Variants in STRBP observed in about 807,000 individuals in gnomAD.
The protein encoded by STRBP is spermatid perinuclear RNA-binding protein.
A neutral mutation model predicts 80.1 loss-of-function variants in STRBP; 13 were observed. The ratio of observed to expected loss-of-function variants is 0.16; its 90% CI spans 0.11 to 0.26. STRBP has a LOEUF of 0.26. Ranked by LOEUF, STRBP falls within the 10% of genes least tolerant of loss-of-function variation. STRBP has a pLI of 1.00. For missense variants in STRBP, 485 were observed against 815.2 expected (o/e 0.59, Z 4.93); for synonymous variants, 284 against 291.2 (o/e 0.98, Z 0.25).
Position 123,124,665 on chromosome 9 carries a change from C to A in STRBP, c.*932G>T. On this transcript the variant is annotated 3_prime_UTR_variant, in exon 19 of 19. Coordinates refer to ENST00000348403, the MANE Select transcript of STRBP (RefSeq NM_018387.5). Reference sequence around the variant, plus strand: ...TGCATGAAAAAAGCCAGGGAGTGAACACAATATCTTACAGAGTGAAGAAGG... The same window carrying A: ...TGCATGAAAAAAGCCAGGGAGTGAAAACAATATCTTACAGAGTGAAGAAGG... 1 of 985,360 alleles carries A rather than the reference C, an allele frequency of 1.0e-6. No individual in the cohort carries two copies. The highest frequency in any genetic ancestry group is 1.2e-6 in the Non-Finnish European group (1 of 829,920). The allele number at this position is 985,360 out of a possible 1,614,324, so 61.0% of individuals were successfully genotyped here.
chr9:123,129,872 GTC>G (rs751664040), intron 17 of STRBP, among the ~76,000 whole-genome samples: 1 of 152,170 alleles, frequency 6.6e-6, no homozygotes, highest in Non-Finnish European at 1.5e-5. Flanking sequence ...ATATAACTCA[GTC>G]TGAGTGCTCA....
In STRBP at chr9:123,266,584, T is replaced by C. The variant is rs530960633; in HGVS notation, c.-302+1852A>G. 3.3e-5 allele frequency among the ~76,000 whole-genome samples: 5 copies of C among 152,058 alleles called. No homozygotes were observed. In the South Asian group the frequency reaches 1.0e-3, roughly 32 times the overall value. On this transcript the variant is annotated intron_variant, in intron 1 of 18. Transcript: ENST00000348403. Reference sequence around the variant, plus strand: ...CCTTTCATCTCTCAAACTCAAAGTGTTCCAATCTCTCCCCATACTTCCACT... The same window carrying C: ...CCTTTCATCTCTCAAACTCAAAGTGCTCCAATCTCTCCCCATACTTCCACT...
At chr9:123,171,505 G>C (rs147849819) in intron 5 of STRBP, among the ~76,000 whole-genome samples, 395 of 152,246 alleles carry the variant, frequency 2.6e-3, no homozygotes, top group African/African-American at 8.4e-3. Context: ...GGTGCTCGGG[G>C]AGAAAGGTTT....
chr9:123,234,864 G>A (rs2040504792), intron 2 of STRBP, among the ~76,000 whole-genome samples: 1 of 152,034 alleles, frequency 6.6e-6, no homozygotes, highest in South Asian at 2.1e-4. Flanking sequence ...GGAGGCCAAG[G>A]CAGGAGACTC....
At chr9:123,117,600 G>A (rs1313106642), downstream of STRBP, among the ~76,000 whole-genome samples, 1 of 152,168 alleles carries the variant, frequency 6.6e-6, no homozygotes, top group Non-Finnish European at 1.5e-5. Context: ...AATGACCACT[G>A]ACCTCTGCAA....
chr9:123,203,860 T>G (rs2039417454), intron 2 of STRBP, among the ~76,000 whole-genome samples: 1 of 152,070 alleles, frequency 6.6e-6, no homozygotes, highest in African/African-American at 2.4e-5. Flanking sequence ...TAGTCCTAGC[T>G]ACTCGGGAGT....
chr9:123,132,863 G>A lies in STRBP; in HGVS notation c.1879C>T (p.Pro627Ser), dbSNP rs2036197022. 6.2e-7 allele frequency: 1 copy of A among 1,614,066 alleles called. No homozygotes were observed. The highest frequency in any genetic ancestry group is 8.5e-7 in the Non-Finnish European group (1 of 1,179,966). Residue 627 changes from proline to serine, a missense_variant, in exon 17 of 19, where the codon CCT becomes TCT. Around this residue, in one of 3 missense-constraint regions of STRBP, gnomAD observed 85 missense variants for 120.1 expected, o/e 0.71. Transcript: ENST00000348403. The stretch of plus-strand genomic sequence containing the variant: ...ACTATACCTGGAGCTATGTAGCCAG[G>A]AGCAGCTGTCGCCCCAACAAAAGCT... ...RGAFVGATAAPGYIAPGYGTP... is the reference protein window; with the variant it reads ...RGAFVGATAASGYIAPGYGTP...
chr9:123,254,267 C>A (rs1470772585), intron 1 of STRBP, among the ~76,000 whole-genome samples: 1 of 152,004 alleles, frequency 6.6e-6, no homozygotes, highest in Non-Finnish European at 1.5e-5. Context: ...CGAGACCAGT[C>A]TGGCTAACAC....
At chr9:123,170,635 A>G (rs1300313841) in intron 5 of STRBP, among the ~76,000 whole-genome samples, 2 of 152,184 alleles carry the variant, frequency 1.3e-5, no homozygotes, top group Non-Finnish European at 2.9e-5. Context: ...AGATCTTCCA[A>G]TGGGACCTAC....
chr9:123,213,047 G>C (rs183987114), intron 2 of STRBP, among the ~76,000 whole-genome samples: 2 of 152,286 alleles, frequency 1.3e-5, no homozygotes, highest in African/African-American at 2.4e-5. Flanking sequence ...CAGCCATAAA[G>C]GCTTTTCCCT....
At chr9:123,254,257 C>T (rs1164438459) in intron 1 of STRBP, among the ~76,000 whole-genome samples, 1 of 151,886 alleles carries the variant, frequency 6.6e-6, no homozygotes, top group Non-Finnish European at 1.5e-5. Context: ...GTCAGGAGAT[C>T]GAGACCAGTC....
At chr9:123,138,404 T>G (rs995600315) in intron 14 of STRBP, among the ~76,000 whole-genome samples, 1 of 152,204 alleles carries the variant, frequency 6.6e-6, no homozygotes, top group African/African-American at 2.4e-5. Flanking sequence ...CAAGTGTGGC[T>G]TTCTCAGGCT....
chr9:123,180,415 GT>G (rs1044814109), intron 3 of STRBP, among the ~76,000 whole-genome samples: 10 of 152,244 alleles, frequency 6.6e-5, no homozygotes, highest in African/African-American at 2.4e-4. Flanking sequence ...AAATAGACTA[GT>G]GGGAGACATT....
At position 123,126,527 on chromosome 9, in the gene STRBP, G is replaced by A. The variant is rs1235922176; in HGVS notation, c.1943-854C>T. ...TGGAAGAGAGGAGCTTTCTGATGTG[G>A]GGGCTCAGAGGGCACAGGGTGAAAG... On this transcript the variant is annotated intron_variant, in intron 18 of 18. Transcript: ENST00000348403. The surrounding 1 kb of genome is among the most constrained non-coding windows in gnomAD (Gnocchi z 4.4). Among the ~76,000 whole-genome samples, 2 of 152,110 alleles carry A rather than the reference G, an allele frequency of 1.3e-5. No individual in the cohort carries two copies. Among genetic ancestry groups the A allele is most frequent in the African/African-American group, 4.8e-5 (2 of 41,420 alleles).
intron 1 of STRBP, among the ~76,000 whole-genome samples, 191 bp from the exon 2 acceptor site, chr9:123,237,157 A>C (rs1363599777): frequency 6.6e-6 from 1 of 152,172 alleles, no homozygotes; most frequent in Non-Finnish European, 1.5e-5. Flanking sequence ...ACAAAAAAGC[A>C]AGAGTTGAAT....
intron 16 of STRBP, among the ~76,000 whole-genome samples, chr9:123,133,638 C>T (rs765989906): frequency 2.6e-5 from 4 of 151,972 alleles, no homozygotes; most frequent in Non-Finnish European, 5.9e-5. Flanking sequence ...TTCCCAGGTT[C>T]AAGTGATTCT....
chr9:123,242,656 T>C (rs191425415), intron 1 of STRBP, among the ~76,000 whole-genome samples: 147 of 151,572 alleles, frequency 9.7e-4, no homozygotes, highest in African/African-American at 3.3e-3. Flanking sequence ...TGAGACCCTG[T>C]CTCAAATAAA....
intron 3 of STRBP, 31 bp downstream of exon 3, chr9:123,184,101 C>A: frequency 6.3e-7 from 1 of 1,593,142 alleles, no homozygotes; most frequent in South Asian, 1.1e-5. Context: ...TCTTTTGTAA[C>A]TAAATTATGA....
intron 1 of STRBP, among the ~76,000 whole-genome samples, chr9:123,256,478 G>C (rs2041033852): frequency 6.6e-6 from 1 of 152,090 alleles, no homozygotes; most frequent in South Asian, 2.1e-4. Context: ...GAGGCTAATT[G>C]ATATATACAA....
Sources: gnomAD v4.1 joint callset for allele counts (sites outside exome capture counted in the v4.1 genomes callset) on GRCh38, gnomAD v4.1.1 for gene constraint, gnomAD v4.1.1 regional missense constraint, Gnocchi (gnomAD v3.1) non-coding constraint, MANE v1.5 for transcripts, NCBI Gene and HGNC (gene_info 2026-07-23, HGNC 2026-07-21) for gene names.